GALNTL6: variants seen among roughly 807,000 people sequenced by gnomAD.
The protein encoded by GALNTL6 is polypeptide N-acetylgalactosaminyltransferase like 6.
In GALNTL6, 46 loss-of-function variants were observed where a neutral mutation model predicts 73.7. The observed-to-expected ratio is 0.62, with a 90% CI of 0.49 to 0.80. The LOEUF is 0.80. Ranked by LOEUF, GALNTL6 falls within the 30% of genes least tolerant of loss-of-function variation. The probability of loss-of-function intolerance (pLI) is 0.00; values close to 1 mark genes in which losing one functional copy is unlikely to be tolerated. For synonymous variants in GALNTL6, 259 were observed against 263.7 expected (o/e 0.98, Z 0.17); for missense variants, 604 against 755.0 (o/e 0.80, Z 2.34).
chr4:172,689,509 ATTC>A (rs1286579229), intron 5 of GALNTL6, among the ~76,000 whole-genome samples: 4 of 152,226 alleles, frequency 2.6e-5, no homozygotes, highest in Non-Finnish European at 4.4e-5. Flanking sequence ...ATCAAATTGC[ATTC>A]TTTTTTTGAC....
chr4:172,242,636 A>G (rs1311790427), intron 3 of GALNTL6, among the ~76,000 whole-genome samples: 4 of 152,162 alleles, frequency 2.6e-5, no homozygotes, highest in Admixed American at 2.0e-4. Context: ...TGCTACTTCA[A>G]TTTGTCTTAA....
chr4:171,910,279 C>T (rs889503100), intron 2 of GALNTL6, among the ~76,000 whole-genome samples: 15 of 151,800 alleles, frequency 9.9e-5, no homozygotes, highest in Non-Finnish European at 1.8e-4. Flanking sequence ...TACCCATATG[C>T]GCAGATTTTT....
At chr4:172,424,430 A>T (rs1188553493) in intron 5 of GALNTL6, among the ~76,000 whole-genome samples, 1 of 152,174 alleles carries the variant, frequency 6.6e-6, no homozygotes, top group East Asian at 1.9e-4. Flanking sequence ...TGGCATGTTA[A>T]TATACAGAAA....
intron 7 of GALNTL6, among the ~76,000 whole-genome samples, chr4:172,856,140 G>C (rs138425586): frequency 3.9e-4 from 60 of 152,270 alleles, no homozygotes; most frequent in African/African-American, 1.4e-3. Flanking sequence ...TCTCATCAAC[G>C]TAGTTGGTCC....
At chr4:172,156,540 A>AAT (rs5864120) in intron 2 of GALNTL6, among the ~76,000 whole-genome samples, 3,777 of 125,010 alleles carry the variant, frequency 0.03, 88 homozygotes, top group Admixed American at 0.064. Context: ...ATATATATAT[A>AAT]ATATATATAT....
chr4:172,178,493 C>T (rs992659109), intron 2 of GALNTL6, among the ~76,000 whole-genome samples: 3 of 152,128 alleles, frequency 2.0e-5, no homozygotes, highest in Admixed American at 2.0e-4. Context: ...TTGTTCAACT[C>T]CTACTTATGA....
At chr4:172,271,451 A>G (rs1210188333) in intron 3 of GALNTL6, among the ~76,000 whole-genome samples, 1 of 152,114 alleles carries the variant, frequency 6.6e-6, no homozygotes, top group Non-Finnish European at 1.5e-5. Context: ...ACATACATAT[A>G]TATATAGTTT....
chr4:171,989,118 G>A (rs763394330), intron 2 of GALNTL6, among the ~76,000 whole-genome samples: 2 of 151,938 alleles, frequency 1.3e-5, no homozygotes, highest in Admixed American at 6.6e-5. Flanking sequence ...GCCGTCAATA[G>A]CACAACAGTT....
At chr4:172,442,347 C>A (rs1731864656) in intron 5 of GALNTL6, among the ~76,000 whole-genome samples, 1 of 152,102 alleles carries the variant, frequency 6.6e-6, no homozygotes, top group Admixed American at 6.6e-5. Flanking sequence ...TTTCTCACTT[C>A]TTCTGGGGGG....
In GALNTL6 at chr4:171,814,517, A is replaced by G. The variant is rs1415409630; in HGVS notation, c.-64A>G. On this transcript the variant is annotated 5_prime_UTR_variant, in exon 2 of 13. Transcript: ENST00000506823. ...GCAGGGGAGAGGAAAGGAATTTGAC[A>G]TTAAACACAAGAAGCAGTCAGGGAG... The G allele has an allele frequency of 2.5e-6, 4 of 1,575,252 alleles. No individual in the cohort carries two copies. Among genetic ancestry groups the G allele is most frequent in the African/African-American group, 2.7e-5 (2 of 73,258 alleles).
chr4:172,665,914 A>G (rs1280555520), intron 5 of GALNTL6, among the ~76,000 whole-genome samples: 2 of 152,110 alleles, frequency 1.3e-5, no homozygotes, highest in East Asian at 3.8e-4. Context: ...CACCTCCTAG[A>G]CTATGCTAAG....
chr4:171,814,628 G>T lies in GALNTL6; in HGVS notation c.48G>T (p.Thr16=), dbSNP rs1734470591. ...TTCTGCAGATGACTTTGTTGTTCACGGTGGCTTTAATTTTCCTGCCTAACG... is the reference window on the plus strand; with the variant it reads ...TTCTGCAGATGACTTTGTTGTTCACTGTGGCTTTAATTTTCCTGCCTAACG... ...KRFLQMTLLF[T]VALIFLPNVG... The change falls in exon 2 of 13, where the codon ACG becomes ACT. Residue 16 remains threonine (T), a synonymous_variant. Transcript: ENST00000506823. 6.2e-7 allele frequency: 1 copy of T among 1,614,080 alleles called. No individual in the cohort carries two copies. The highest frequency in any genetic ancestry group is 1.1e-5 in the South Asian group (1 of 91,064).
At chr4:172,379,590 A>T (rs1418351706) in intron 5 of GALNTL6, among the ~76,000 whole-genome samples, 3 of 150,710 alleles carry the variant, frequency 2.0e-5, no homozygotes, top group African/African-American at 7.3e-5. Flanking sequence ...CAATGCAATT[A>T]GATCACCAAA....
At chr4:172,738,760 G>A (rs1226356854) in intron 5 of GALNTL6, among the ~76,000 whole-genome samples, 1 of 152,126 alleles carries the variant, frequency 6.6e-6, no homozygotes, top group Non-Finnish European at 1.5e-5. Flanking sequence ...GCATACATGA[G>A]ACAATGAGCC....
chr4:172,826,387 A>G, intron 7 of GALNTL6, among the ~76,000 whole-genome samples: 1 of 152,214 alleles, frequency 6.6e-6, no homozygotes. Flanking sequence ...CTGTGCCTCC[A>G]CAGCCCATGG....
chr4:172,643,370 G>A (rs1402560387), intron 5 of GALNTL6, among the ~76,000 whole-genome samples: 1 of 151,894 alleles, frequency 6.6e-6, no homozygotes, highest in African/African-American at 2.4e-5. Flanking sequence ...ATTGAATGTG[G>A]TACCTCAGGA....
At chr4:172,190,112 G>A (rs578136157) in intron 2 of GALNTL6, among the ~76,000 whole-genome samples, 1 of 152,140 alleles carries the variant, frequency 6.6e-6, no homozygotes, top group African/African-American at 2.4e-5. Flanking sequence ...AGAAAAGGGA[G>A]GCTTGAAGAT....
chr4:172,181,829 C>T (rs575012231), intron 2 of GALNTL6, among the ~76,000 whole-genome samples: 1 of 151,576 alleles, frequency 6.6e-6, no homozygotes, highest in Admixed American at 6.6e-5. Context: ...CATTCTCCTG[C>T]CTCAGCCTCC....
intron 2 of GALNTL6, among the ~76,000 whole-genome samples, chr4:172,184,808 AAGG>A (rs1735366993): frequency 2.0e-5 from 3 of 152,190 alleles, no homozygotes; most frequent in Non-Finnish European, 1.5e-5. Flanking sequence ...AGAATGGCAA[AAGG>A]TAGAAGGACA....
Sources: gnomAD v4.1 joint callset for allele counts (sites outside exome capture counted in the v4.1 genomes callset) on GRCh38, gnomAD v4.1.1 for gene constraint, MANE v1.5 for transcripts, NCBI Gene and HGNC (gene_info 2026-07-23, HGNC 2026-07-21) for gene names.